MAGI1: variants seen among roughly 807,000 people sequenced by gnomAD.
MAGI1 encodes membrane associated guanylate kinase, WW and PDZ domain containing 1.
Under a neutral mutation model 139.9 loss-of-function variants are expected in MAGI1, and 58 were observed. The observed-to-expected ratio is 0.41, with a 90% CI of 0.34 to 0.52. The LOEUF (loss-of-function observed/expected upper bound fraction) is 0.52. MAGI1 is among the 20% of genes least tolerant of loss of function. The probability of loss-of-function intolerance (pLI) is 0.12; values close to 1 mark genes in which losing one functional copy is unlikely to be tolerated. For synonymous variants in MAGI1, 812 were observed against 737.9 expected (o/e 1.10, Z -1.63); for missense variants, 1,874 against 1,901.6 (o/e 0.99, Z 0.27).
At chr3:65,429,265 G>C (rs1025858821) in intron 12 of MAGI1, among the ~76,000 whole-genome samples, 1 of 151,874 alleles carries the variant, frequency 6.6e-6, no homozygotes, top group Non-Finnish European at 1.5e-5. Context: ...ACCCAACTTA[G>C]GTTTTTAAAT....
chr3:65,693,967 C>T (rs1338897580), intron 1 of MAGI1, among the ~76,000 whole-genome samples: 1 of 152,084 alleles, frequency 6.6e-6, no homozygotes. Flanking sequence ...GTGATCCACC[C>T]ACCTCGACCT....
At chr3:65,680,779 A>G (rs2087533316) in intron 1 of MAGI1, among the ~76,000 whole-genome samples, 3 of 135,980 alleles carry the variant, frequency 2.2e-5, no homozygotes, top group Admixed American at 2.0e-4. Context: ...ATATGATATG[A>G]TATGATATGA....
intron 1 of MAGI1, among the ~76,000 whole-genome samples, chr3:65,963,385 A>G (rs1246107034): frequency 6.6e-6 from 1 of 151,142 alleles, no homozygotes; most frequent in African/African-American, 2.4e-5. Context: ...TGGGAGGCCA[A>G]GGTGGGTGGA....
chr3:65,936,607 C>A, intron 1 of MAGI1, among the ~76,000 whole-genome samples: 1 of 151,064 alleles, frequency 6.6e-6, no homozygotes, highest in East Asian at 1.9e-4. Flanking sequence ...AAAAAAAAAT[C>A]TTATGTAGAT....
intron 1 of MAGI1, among the ~76,000 whole-genome samples, chr3:65,652,011 G>A (rs988675057): frequency 2.0e-5 from 3 of 152,172 alleles, no homozygotes; most frequent in Non-Finnish European, 2.9e-5. Context: ...CTAATGCTAA[G>A]TTGGATGAAC....
Position 65,465,519 on chromosome 3 carries a change from G to A in MAGI1, c.959+4764C>T, listed in dbSNP as rs192282322. ...TATTTTCACTGGATGTAGAATTTTG[G>A]GTTAATTCTTCTTTTCTTTCAGCAC... On this transcript the variant is annotated intron_variant, in intron 5 of 22. Coordinates refer to ENST00000402939, the MANE Select transcript of MAGI1 (RefSeq NM_001033057.2). Among the ~76,000 whole-genome samples the A allele has an allele frequency of 1.2e-4, 18 of 151,972 alleles. No individual in the cohort carries two copies. The East Asian group carries it at 3.3e-3, about 28-fold the overall frequency.
At chr3:65,525,878 G>A (rs1206170750) in intron 2 of MAGI1, among the ~76,000 whole-genome samples, 2 of 152,122 alleles carry the variant, frequency 1.3e-5, no homozygotes, top group Non-Finnish European at 2.9e-5. Context: ...CAATCAGCGT[G>A]CCCCATATAA....
At chr3:65,737,417 T>C (rs1386696433) in intron 1 of MAGI1, among the ~76,000 whole-genome samples, 1 of 152,226 alleles carries the variant, frequency 6.6e-6, no homozygotes, top group East Asian at 1.9e-4. Flanking sequence ...AAAAGCAACT[T>C]CTTCCAGTAA....
intron 8 of MAGI1, among the ~76,000 whole-genome samples, chr3:65,440,384 C>T (rs6796012): frequency 0.66 from 100,224 of 151,986 alleles, 33,585 homozygotes; most frequent in East Asian, 0.94. Context: ...CTCAGGGTTG[C>T]CTGCTTTCAA....
chr3:66,006,831 G>GTTTTT (rs2067042298), intron 1 of MAGI1, among the ~76,000 whole-genome samples: 1 of 150,710 alleles, frequency 6.6e-6, no homozygotes, highest in African/African-American at 2.5e-5. Flanking sequence ...GTTTTGTTTT[G>GTTTTT]TTTTGTTTTG....
rs573869845 is a variant in MAGI1, at chr3:65,865,711, G to A, written c.313+172285C>T. ...GCTGGAGTGCAATGGCGCAATCTCG[G>A]CTCACTGCAACCTCCACCTCCCAGG... On this transcript the variant is annotated intron_variant, in intron 1 of 22. Coordinates refer to ENST00000402939, the MANE Select transcript of MAGI1 (RefSeq NM_001033057.2). Among the ~76,000 whole-genome samples the A allele has an allele frequency of 5.9e-5, 9 of 152,318 alleles. No individual in the cohort carries two copies. The South Asian group carries it at 1.9e-3, about 32-fold the overall frequency.
intron 6 of MAGI1, chr3:65,452,886 A>G (rs1202137183): frequency 5.6e-6 from 1 of 177,672 alleles, no homozygotes; most frequent in East Asian, 1.4e-4. Flanking sequence ...TAAGACTTTT[A>G]TAAGATAGGG....
intron 1 of MAGI1, among the ~76,000 whole-genome samples, chr3:65,741,191 T>A (rs1409423749): frequency 6.6e-6 from 1 of 152,068 alleles, no homozygotes; most frequent in African/African-American, 2.4e-5. Flanking sequence ...TTTTTTTTTT[T>A]TTAAATGGAG....
At chr3:66,024,734 A>C (rs1172692639) in intron 1 of MAGI1, among the ~76,000 whole-genome samples, 2 of 152,000 alleles carry the variant, frequency 1.3e-5, no homozygotes, top group Non-Finnish European at 2.9e-5. Flanking sequence ...TGAACCCAGG[A>C]GGCGGAGGTT....
rs193287570 is a variant in MAGI1 at position 65,964,345 on chromosome 3, A to T, written c.313+73651T>A. On this transcript the variant is annotated intron_variant, in intron 1 of 22. Coordinates refer to ENST00000402939, the MANE Select transcript of MAGI1 (RefSeq NM_001033057.2). ...ACTGATATCAAAATCAGACCCTACAAAGGAGAAAGAAAGGTCATCTGAAAT... is the reference window on the plus strand; with the variant it reads ...ACTGATATCAAAATCAGACCCTACATAGGAGAAAGAAAGGTCATCTGAAAT... Among the ~76,000 whole-genome samples, 14 of 152,296 alleles carry T rather than the reference A, an allele frequency of 9.2e-5. No individual in the cohort carries two copies. In the South Asian group the frequency reaches 1.5e-3, roughly 16 times the overall value.
intron 10 of MAGI1, among the ~76,000 whole-genome samples, chr3:65,434,077 T>C (rs982573302): frequency 6.6e-6 from 1 of 152,148 alleles, no homozygotes; most frequent in Non-Finnish European, 1.5e-5. Context: ...AAATGAGGTA[T>C]CCCACAAAAA....
intron 12 of MAGI1, among the ~76,000 whole-genome samples, chr3:65,417,433 C>T (rs1437918815): frequency 6.6e-6 from 1 of 151,600 alleles, no homozygotes; most frequent in Non-Finnish European, 1.5e-5. Context: ...GACAACTAAT[C>T]AACTAATTTT....
chr3:65,480,689 G>A (rs1420018666), intron 3 of MAGI1, among the ~76,000 whole-genome samples: 5 of 149,708 alleles, frequency 3.3e-5, no homozygotes, highest in African/African-American at 4.9e-5. Flanking sequence ...AGGTTCAAGC[G>A]ATTCTCCAGT....
chr3:65,831,252 G>C (rs2042509623), intron 1 of MAGI1, among the ~76,000 whole-genome samples: 1 of 152,192 alleles, frequency 6.6e-6, no homozygotes, highest in Non-Finnish European at 1.5e-5. Flanking sequence ...ACAAGCTTCA[G>C]TTTCTCCTTC....
Sources: gnomAD v4.1 joint callset for allele counts (sites outside exome capture counted in the v4.1 genomes callset) on GRCh38, gnomAD v4.1.1 for gene constraint, MANE v1.5 for transcripts, NCBI Gene and HGNC (gene_info 2026-07-23, HGNC 2026-07-21) for gene names.